MTUS2: variants seen among roughly 807,000 people sequenced by gnomAD.
MTUS2 encodes the protein microtubule associated scaffold protein 2.
MTUS2 carries 40 observed loss-of-function variants against 114.1 expected under a neutral mutation model. The ratio of observed to expected loss-of-function variants is 0.35; its 90% confidence interval spans 0.27 to 0.46. MTUS2 has a LOEUF of 0.46. Among genes scored for constraint, MTUS2 ranks in the 20% least tolerant of loss-of-function variants. The pLI is 1.00. For synonymous variants in MTUS2, 688 were observed against 672.0 expected, an observed-to-expected ratio of 1.02 and a Z score of -0.37; for missense variants, 1,679 against 1,705.4, an observed-to-expected ratio of 0.98 and a Z score of 0.27.
chr13:28,854,461 T>A (rs1876495106), intron 2 of MTUS2, among the ~76,000 whole-genome samples: 1 of 152,176 alleles, frequency 6.6e-6, no homozygotes, highest in African/African-American at 2.4e-5. Flanking sequence ...GTTGTCTGAA[T>A]GTGAAGCCCT....
At chr13:28,967,406 T>G (rs1883645920) in intron 2 of MTUS2, among the ~76,000 whole-genome samples, 1 of 152,202 alleles carries the variant, frequency 6.6e-6, no homozygotes, top group Non-Finnish European at 1.5e-5. Flanking sequence ...ACTTACAGTG[T>G]GTCTTCTACC....
intron 10 of MTUS2, among the ~76,000 whole-genome samples, chr13:29,481,432 C>T (rs1036097342): frequency 2.6e-5 from 4 of 152,120 alleles, no homozygotes; most frequent in African/African-American, 4.8e-5. Context: ...TCTCCAGCTC[C>T]GATGGCTTCG....
intron 7 of MTUS2, among the ~76,000 whole-genome samples, chr13:29,335,330 A>C (rs769615120): frequency 6.6e-6 from 1 of 152,180 alleles, no homozygotes; most frequent in African/African-American, 2.4e-5. Context: ...AATTTTGGTC[A>C]GACCGGTTGT....
At position 29,249,383 on chromosome 13, in the gene MTUS2, A is replaced by G. The variant is rs150301379; in HGVS notation, c.2645-32321A>G. Among the ~76,000 whole-genome samples the G allele has an allele frequency of 5.3e-3, 803 of 152,334 alleles. 2 individuals are homozygous for G. The highest frequency in any genetic ancestry group is 8.7e-3 in the Non-Finnish European group (591 of 68,040). On this transcript the variant is annotated intron_variant, in intron 5 of 15. Coordinates refer to ENST00000612955, the MANE Select transcript of MTUS2 (RefSeq NM_001033602.4). ...GGTTCTAAATCCTTGAGGAATCACCATACTGTCTTCCACAATGGTTGAACT... is the reference window on the plus strand; with the variant it reads ...GGTTCTAAATCCTTGAGGAATCACCGTACTGTCTTCCACAATGGTTGAACT...
intron 7 of MTUS2, among the ~76,000 whole-genome samples, chr13:29,337,333 AG>A (rs1292209155): frequency 2.0e-5 from 3 of 152,150 alleles, no homozygotes; most frequent in Non-Finnish European, 4.4e-5. Context: ...GGAAAAGCGC[AG>A]TTTCTGGCCC....
chr13:28,943,059 C>T (rs139744633), intron 2 of MTUS2, among the ~76,000 whole-genome samples: 2 of 152,338 alleles, frequency 1.3e-5, no homozygotes, highest in East Asian at 3.9e-4. Flanking sequence ...CACAGTCCCT[C>T]AAGCTGACAT....
chr13:28,974,730 T>G (rs967864957), intron 2 of MTUS2, among the ~76,000 whole-genome samples: 4 of 152,228 alleles, frequency 2.6e-5, no homozygotes. Flanking sequence ...TTACCAGTTT[T>G]GTGTTATTTT....
At chr13:29,126,825 G>C (rs980696387) in intron 5 of MTUS2, among the ~76,000 whole-genome samples, 7 of 152,176 alleles carry the variant, frequency 4.6e-5, no homozygotes, top group Admixed American at 3.9e-4. Flanking sequence ...GGAGACCTTG[G>C]AAAGTTCACT....
intron 2 of MTUS2, among the ~76,000 whole-genome samples, chr13:28,879,862 A>G (rs996138134): frequency 1.3e-5 from 2 of 152,076 alleles, no homozygotes; most frequent in African/African-American, 2.4e-5. Flanking sequence ...TTCAGGGTCA[A>G]TGTTCAGTAA....
chr13:28,832,628 TATAA>T (rs1405031561), intron 1 of MTUS2, among the ~76,000 whole-genome samples: 7 of 148,628 alleles, frequency 4.7e-5, no homozygotes, highest in South Asian at 2.1e-4. Context: ...ATGCTAAATA[TATAA>T]ATATATATAA....
intron 2 of MTUS2, among the ~76,000 whole-genome samples, chr13:28,987,193 G>T (rs767718801): frequency 6.6e-6 from 1 of 152,226 alleles, no homozygotes; most frequent in Non-Finnish European, 1.5e-5. Flanking sequence ...ACAGGTGGTA[G>T]TGAGCCTTGA....
At chr13:29,068,914 C>T (rs1012074357) in intron 4 of MTUS2, among the ~76,000 whole-genome samples, 11 of 152,076 alleles carry the variant, frequency 7.2e-5, no homozygotes, top group African/African-American at 2.7e-4. Flanking sequence ...GGGATTGATA[C>T]GATCCTCCTT....
At chr13:29,004,812 C>T (rs929811811) in intron 2 of MTUS2, among the ~76,000 whole-genome samples, 7 of 152,064 alleles carry the variant, frequency 4.6e-5, no homozygotes, top group Non-Finnish European at 1.0e-4. Context: ...CTGGGATCCT[C>T]GTCTGAAGGA....
At chr13:29,358,359 C>G (rs1481376912) in intron 7 of MTUS2, among the ~76,000 whole-genome samples, 1 of 152,164 alleles carries the variant, frequency 6.6e-6, no homozygotes, top group African/African-American at 2.4e-5. Flanking sequence ...ATCACCTCTC[C>G]TTAATGCCCA....
At chr13:29,379,600 G>A (rs960287908) in intron 8 of MTUS2, among the ~76,000 whole-genome samples, 2 of 152,116 alleles carry the variant, frequency 1.3e-5, no homozygotes, top group Non-Finnish European at 2.9e-5. Flanking sequence ...CAGGAGTGGG[G>A]TGGAAAGAGT....
chr13:29,055,605 A>C (rs1010509419), intron 4 of MTUS2, among the ~76,000 whole-genome samples: 1 of 152,082 alleles, frequency 6.6e-6, no homozygotes, highest in Non-Finnish European at 1.5e-5. Context: ...CTTATAGATG[A>C]GAACATGCCA....
At chr13:29,218,426 A>G (rs1895770537) in intron 5 of MTUS2, among the ~76,000 whole-genome samples, 1 of 152,222 alleles carries the variant, frequency 6.6e-6, no homozygotes, top group Non-Finnish European at 1.5e-5. Context: ...AACTGCTGTT[A>G]ATTTGAATAT....
In MTUS2 at chr13:29,283,356, T is replaced by C. The variant is rs141920645; in HGVS notation, c.2806+1491T>C. Reference sequence around the variant, plus strand: ...TGTCTGTTTTAACACAGCATCCTCATTGCCTGCCACAGTGACTGACTCACA... The same window carrying C: ...TGTCTGTTTTAACACAGCATCCTCACTGCCTGCCACAGTGACTGACTCACA... On this transcript the variant is annotated intron_variant, in intron 6 of 15. Transcript: ENST00000612955. Among the ~76,000 whole-genome samples the C allele has an allele frequency of 6.9e-3, 1,045 of 152,322 alleles. 5 individuals carry two copies. The highest frequency in any genetic ancestry group is 0.012 in the Non-Finnish European group (791 of 68,026).
intron 5 of MTUS2, among the ~76,000 whole-genome samples, chr13:29,138,421 TATATA>T (rs1892073802): frequency 6.7e-6 from 1 of 148,792 alleles, no homozygotes; most frequent in African/African-American, 2.4e-5. Context: ...TAATACCAAA[TATATA>T]ATATAAATAT....
Sources: allele counts gnomAD v4.1 joint callset (sites outside exome capture counted in the v4.1 genomes callset), GRCh38; gene constraint gnomAD v4.1.1; transcripts MANE v1.5; gene names NCBI Gene and HGNC (gene_info 2026-07-23, HGNC 2026-07-21).